Variants in SAMD12 observed in about 807,000 individuals in gnomAD.
The protein encoded by SAMD12 is sterile alpha motif domain containing 12, also known as sterile alpha motif domain-containing protein 12.
SAMD12 carries 9 observed loss-of-function variants against 15.0 expected under a neutral mutation model. That is an observed-to-expected ratio of 0.60 (90% CI 0.36 to 1.05). The LOEUF (loss-of-function observed/expected upper bound fraction) is 1.05. Ranked by LOEUF, SAMD12 falls within the 50% of genes least tolerant of loss-of-function variation. SAMD12 has a pLI of 0.01. For missense variants in SAMD12, 230 were observed against 234.2 expected, an observed-to-expected ratio of 0.98 and a Z score of 0.12; for synonymous variants, 86 against 90.1, an observed-to-expected ratio of 0.96 and a Z score of 0.25.
chr8:118,433,518 A>C (rs999308046), intron 3 of SAMD12, among the ~76,000 whole-genome samples: 1 of 151,994 alleles, frequency 6.6e-6, no homozygotes, highest in Non-Finnish European at 1.5e-5. Context: ...AACGAAGTTC[A>C]GTACCCTTGT....
At chr8:118,132,970 GTGTA>G in the SAMD12 span, among the ~76,000 whole-genome samples, 176 of 67,440 alleles carry the variant, frequency 2.6e-3, no homozygotes, top group Non-Finnish European at 3.5e-3. Flanking sequence ...ATGTGTGTGT[GTGTA>G]TATATATATA....
chr8:118,346,886 T>A (rs1817689604), intron 4 of SAMD12, among the ~76,000 whole-genome samples: 1 of 152,172 alleles, frequency 6.6e-6, no homozygotes, highest in Non-Finnish European at 1.5e-5. Flanking sequence ...GGCAAGCTCA[T>A]CAGAGACTCA....
At chr8:118,617,068 G>C (rs1828257726) in intron 1 of SAMD12, among the ~76,000 whole-genome samples, 1 of 152,172 alleles carries the variant, frequency 6.6e-6, no homozygotes, top group Non-Finnish European at 1.5e-5. Flanking sequence ...CCCTATGACG[G>C]GTAAGTTCAC....
At chr8:118,505,277 T>C (rs1824891358) in intron 2 of SAMD12, among the ~76,000 whole-genome samples, 1 of 152,010 alleles carries the variant, frequency 6.6e-6, no homozygotes, top group Non-Finnish European at 1.5e-5. Context: ...CAGACTTAAC[T>C]CACATTGGGA....
At chr8:118,250,504 T>C (rs1357875678) in intron 4 of SAMD12, among the ~76,000 whole-genome samples, 1 of 114,152 alleles carries the variant, frequency 8.8e-6, no homozygotes, top group Non-Finnish European at 1.7e-5. Flanking sequence ...CAAAAATGGA[T>C]TTTTTTTTTT....
chr8:118,452,618 A>C (rs16891064), intron 2 of SAMD12, among the ~76,000 whole-genome samples: 5,098 of 152,278 alleles, frequency 0.033, 281 homozygotes, highest in African/African-American at 0.12. Context: ...TTAATTATTT[A>C]AGCAATTTTT....
chr8:118,578,363 C>G (rs2131252699), intron 2 of SAMD12, among the ~76,000 whole-genome samples: 1 of 152,210 alleles, frequency 6.6e-6, no homozygotes, highest in South Asian at 2.1e-4. Flanking sequence ...AGGTAAGTTC[C>G]TACAGAGGGA....
intron 2 of SAMD12, among the ~76,000 whole-genome samples, chr8:118,447,503 C>T (rs1822949783): frequency 6.6e-6 from 1 of 151,860 alleles, no homozygotes; most frequent in Admixed American, 6.6e-5. Flanking sequence ...TGGGGTTTCA[C>T]CATGTTGGCC....
intron 4 of SAMD12, among the ~76,000 whole-genome samples, chr8:118,267,036 T>C (rs1813219431): frequency 6.6e-6 from 1 of 152,162 alleles, no homozygotes; most frequent in South Asian, 2.1e-4. Context: ...GTTAGTTGGC[T>C]TGACTTAGCC....
intron 3 of SAMD12, among the ~76,000 whole-genome samples, chr8:118,410,913 A>G (rs998725676): frequency 6.6e-5 from 10 of 152,188 alleles, no homozygotes; most frequent in Admixed American, 6.5e-4. Context: ...ACTAAAACCT[A>G]AACAGGTGGC....
intron 1 of SAMD12, among the ~76,000 whole-genome samples, chr8:118,612,265 T>G (rs1451370510): frequency 6.6e-6 from 1 of 152,210 alleles, no homozygotes; most frequent in African/African-American, 2.4e-5. Flanking sequence ...CTCCCTGGCC[T>G]GTCCTCCTTA....
chr8:118,303,940 G>A (rs1291157965), intron 4 of SAMD12, among the ~76,000 whole-genome samples: 2 of 152,110 alleles, frequency 1.3e-5, no homozygotes, highest in Non-Finnish European at 2.9e-5. Context: ...AACGATCTTC[G>A]AGTGCTTATC....
intron 4 of SAMD12, among the ~76,000 whole-genome samples, chr8:118,219,280 G>C (rs1361132535): frequency 6.6e-6 from 1 of 152,344 alleles, no homozygotes; most frequent in East Asian, 1.9e-4. Flanking sequence ...TCCTAGAGGA[G>C]AGAGACTATG....
chr8:118,273,465 G>A (rs896695766), intron 4 of SAMD12, among the ~76,000 whole-genome samples: 2 of 152,176 alleles, frequency 1.3e-5, no homozygotes, highest in Non-Finnish European at 2.9e-5. Context: ...TCTCTCATAT[G>A]TCACTTGTGT....
At chr8:118,465,420 G>A (rs1267465744) in intron 2 of SAMD12, among the ~76,000 whole-genome samples, 1 of 152,072 alleles carries the variant, frequency 6.6e-6, no homozygotes, top group African/African-American at 2.4e-5. Flanking sequence ...CTAACCCAAG[G>A]CATCTGTCTG....
intron 2 of SAMD12, among the ~76,000 whole-genome samples, chr8:118,440,759 T>C (rs1822733617): frequency 1.3e-5 from 2 of 150,626 alleles, no homozygotes; most frequent in East Asian, 3.9e-4. Context: ...CTTTGACAAA[T>C]GATGGATTAC....
chr8:118,173,142 T>C, the SAMD12 span, among the ~76,000 whole-genome samples: 1 of 152,208 alleles, frequency 6.6e-6, no homozygotes, highest in Non-Finnish European at 1.5e-5. Flanking sequence ...TATTGACACA[T>C]GGTTTAGAAT....
downstream of SAMD12, among the ~76,000 whole-genome samples, chr8:118,186,775 G>A (rs976664290): frequency 2.6e-5 from 4 of 152,176 alleles, no homozygotes; most frequent in African/African-American, 9.7e-5. Flanking sequence ...GCAGAAGTGG[G>A]AAAGTTATAT....
chr8:118,439,052 G>A (rs1393613068), intron 3 of SAMD12, among the ~76,000 whole-genome samples: 2 of 152,216 alleles, frequency 1.3e-5, no homozygotes, highest in Admixed American at 6.5e-5. Flanking sequence ...GGGCTTCCAC[G>A]GTGGGCATAT....
Sources: allele counts gnomAD v4.1 joint callset (sites outside exome capture counted in the v4.1 genomes callset), GRCh38; gene constraint gnomAD v4.1.1; transcripts MANE v1.5; gene names NCBI Gene and HGNC (gene_info 2026-07-23, HGNC 2026-07-21).